Variants in TMEM123 observed in about 807,000 individuals in gnomAD.
TMEM123 encodes the protein transmembrane protein 123.
Under a neutral mutation model 19.7 loss-of-function variants are expected in TMEM123, and 16 were observed. The ratio of observed to expected loss-of-function variants is 0.81; its 90% confidence interval spans 0.55 to 1.23. The LOEUF (loss-of-function observed/expected upper bound fraction) is 1.23. Among genes scored for constraint, TMEM123 ranks in the 50% most tolerant of loss-of-function variants. The pLI is 0.00. For missense variants in TMEM123, 313 were observed against 257.8 expected (o/e 1.21, Z -1.47); for synonymous variants, 118 against 99.4 (o/e 1.19, Z -1.12).
At chr11:102,445,092 G>A (rs1221755364) in intron 2 of TMEM123, among the ~76,000 whole-genome samples, 1 of 152,108 alleles carries the variant, frequency 6.6e-6, no homozygotes, top group African/African-American at 2.4e-5. Flanking sequence ...AATGGGTGTA[G>A]CACACCAACA....
chr11:102,448,822 AG>A lies in TMEM123; in HGVS notation c.146del (p.Ala49ValfsTer23). On this transcript the variant is annotated frameshift_variant, in exon 2 of 5. Transcript: ENST00000398136. LOFTEE classifies it high-confidence loss of function. ...ENSGLPHNSS[A>X]NSTETLQHVP... ...TCTTTTAAAACTCACCTGTTGAGTT[AG>A]CACTGGAGTTGTGTGGAAGCCCAGA... The A allele has an allele frequency of 1.2e-6, 2 of 1,613,750 alleles. No individual in the cohort carries two copies. The highest frequency in any genetic ancestry group is 1.7e-6 in the Non-Finnish European group (2 of 1,179,788).
intron 2 of TMEM123, among the ~76,000 whole-genome samples, chr11:102,412,423 A>G (rs1156244896): frequency 1.3e-5 from 2 of 152,202 alleles, no homozygotes; most frequent in Admixed American, 6.5e-5. Flanking sequence ...GCAAAACTCC[A>G]TTTCAAAAAC....
intron 2 of TMEM123, among the ~76,000 whole-genome samples, chr11:102,445,324 T>C (rs550444718): frequency 6.7e-6 from 1 of 148,816 alleles, no homozygotes; most frequent in South Asian, 2.1e-4. Flanking sequence ...CTAGTATTGA[T>C]ATCTCTATGT....
chr11:102,400,239 A>G (rs1316745627), intron 4 of TMEM123, among the ~76,000 whole-genome samples: 1 of 152,222 alleles, frequency 6.6e-6, no homozygotes, highest in Non-Finnish European at 1.5e-5. Context: ...TACTAGTTCC[A>G]AGAGATAGAC....
intron 1 of TMEM123, 159 bp downstream of exon 1, chr11:102,452,365 C>T (rs564693340): frequency 3.3e-4 from 176 of 539,114 alleles, no homozygotes; most frequent in Admixed American, 1.5e-3. Flanking sequence ...TGGTCCAAAC[C>T]TCAGTTTCCC....
At chr11:102,404,551 T>C (rs1008969833) in intron 2 of TMEM123, among the ~76,000 whole-genome samples, 7 of 152,222 alleles carry the variant, frequency 4.6e-5, no homozygotes, top group African/African-American at 1.7e-4. Context: ...CTCAAAGTGC[T>C]AGTACTACAG....
At chr11:102,435,012 ATAAT>A (rs1455167908) in intron 2 of TMEM123, among the ~76,000 whole-genome samples, 1 of 151,840 alleles carries the variant, frequency 6.6e-6, no homozygotes, top group Non-Finnish European at 1.5e-5. Flanking sequence ...AGTACATTGA[ATAAT>A]TATTTAAAAA....
chr11:102,407,299 GTAT>G (rs1339726485), intron 2 of TMEM123, among the ~76,000 whole-genome samples: 2 of 152,210 alleles, frequency 1.3e-5, no homozygotes, highest in Non-Finnish European at 2.9e-5. Flanking sequence ...TATTATTTTG[GTAT>G]TATTCTGGAC....
rs1456249987 is a variant in TMEM123, at chr11:102,446,101, G to A, written c.157+2711C>T. On this transcript the variant is annotated intron_variant, in intron 2 of 4. Coordinates refer to ENST00000398136, the MANE Select transcript of TMEM123 (RefSeq NM_052932.3). ...ACGGCTGTATCCTGAATGATATTGAGCTGCTGTTCTAGTTACTGATGAGAT... is the reference window on the plus strand; with the variant it reads ...ACGGCTGTATCCTGAATGATATTGAACTGCTGTTCTAGTTACTGATGAGAT... Among the ~76,000 whole-genome samples, 6 of 152,304 alleles carry A rather than the reference G, an allele frequency of 3.9e-5. No individual in the cohort carries two copies. In the East Asian group the frequency reaches 9.6e-4, roughly 24 times the overall value.
At position 102,398,274 on chromosome 11, in the gene TMEM123, T is replaced by G. The variant is rs1004124048; in HGVS notation, c.*593A>C. On this transcript the variant is annotated 3_prime_UTR_variant, in exon 5 of 5. Coordinates refer to ENST00000398136, the MANE Select transcript of TMEM123 (RefSeq NM_052932.3). ...ACAGGGCTAAGCAAAGCTATTATTTTGGGTTTTATTTGAAAATTTTCTTTT... is the reference window on the plus strand; with the variant it reads ...ACAGGGCTAAGCAAAGCTATTATTTGGGGTTTTATTTGAAAATTTTCTTTT... 16 of 263,194 alleles carry G rather than the reference T, an allele frequency of 6.1e-5. No homozygotes were observed. In the Middle Eastern group the frequency reaches 3.4e-3, roughly 56 times the overall value. 16.3% of individuals were successfully genotyped at this position (263,194 alleles called of 1,614,324 possible). A position where few individuals can be genotyped will look rare whatever the true frequency, so the allele number is the denominator to read the frequency against.
At chr11:102,404,369 C>G (rs575615343) in intron 2 of TMEM123, among the ~76,000 whole-genome samples, 2 of 151,128 alleles carry the variant, frequency 1.3e-5, no homozygotes, top group Non-Finnish European at 2.9e-5. Flanking sequence ...GGGCAACCTC[C>G]GCCTTCTGGG....
At chr11:102,423,236 T>C (rs763167578) in intron 2 of TMEM123, among the ~76,000 whole-genome samples, 2 of 152,210 alleles carry the variant, frequency 1.3e-5, no homozygotes, top group Non-Finnish European at 2.9e-5. Flanking sequence ...AATATGCCCA[T>C]AAATTCTTTG....
intron 2 of TMEM123, among the ~76,000 whole-genome samples, chr11:102,431,068 A>G (rs1857698104): frequency 6.6e-6 from 1 of 152,226 alleles, no homozygotes; most frequent in South Asian, 2.1e-4. Context: ...AGATATAACC[A>G]TAATGAAATG....
intron 2 of TMEM123, among the ~76,000 whole-genome samples, chr11:102,437,832 T>C (rs896148192): frequency 1.3e-5 from 2 of 152,192 alleles, no homozygotes; most frequent in Non-Finnish European, 2.9e-5. Flanking sequence ...AATTCTTTTA[T>C]TGAAATACAT....
chr11:102,451,739 G>A (rs571018599), intron 1 of TMEM123, among the ~76,000 whole-genome samples: 11 of 152,318 alleles, frequency 7.2e-5, no homozygotes, highest in African/African-American at 2.6e-4. Flanking sequence ...AAGGGCCAAG[G>A]GCCTAAAACG....
chr11:102,436,105 A>G (rs1857759835), intron 2 of TMEM123, among the ~76,000 whole-genome samples: 1 of 151,962 alleles, frequency 6.6e-6, no homozygotes, highest in South Asian at 2.1e-4. Context: ...CTTAACAAAA[A>G]GACAAAACGA....
At chr11:102,417,386 C>A (rs1400666146) in intron 2 of TMEM123, among the ~76,000 whole-genome samples, 4 of 151,944 alleles carry the variant, frequency 2.6e-5, no homozygotes, top group African/African-American at 7.2e-5. Context: ...AGAATGCAAT[C>A]CCATTCACAG....
intron 2 of TMEM123, among the ~76,000 whole-genome samples, chr11:102,410,005 CAA>C (rs1288574729): frequency 1.3e-5 from 2 of 151,110 alleles, no homozygotes; most frequent in African/African-American, 2.4e-5. Flanking sequence ...TTTTTAAACT[CAA>C]AAACTAAAAT....
chr11:102,422,284 G>GC (rs913069261), intron 2 of TMEM123, among the ~76,000 whole-genome samples: 2 of 152,086 alleles, frequency 1.3e-5, no homozygotes, highest in Non-Finnish European at 2.9e-5. Flanking sequence ...GATCAGCCTG[G>GC]CCAACATGAC....
Sources: allele counts gnomAD v4.1 joint callset (sites outside exome capture counted in the v4.1 genomes callset), GRCh38; gene constraint gnomAD v4.1.1; transcripts MANE v1.5; gene names NCBI Gene and HGNC (gene_info 2026-07-23, HGNC 2026-07-21).